Variants in PIGL observed in about 807,000 individuals in gnomAD.
PIGL encodes the protein N-acetylglucosaminyl-phosphatidylinositol de-N-acetylase.
PIGL carries 22 observed loss-of-function variants against 31.1 expected under a neutral mutation model. The observed-to-expected ratio is 0.71, with a 90% CI of 0.51 to 1.01. PIGL has a LOEUF of 1.01. Among genes scored for constraint, PIGL ranks in the 50% least tolerant of loss-of-function variants. The pLI is 0.00. For synonymous variants in PIGL, 131 were observed against 117.4 expected, an observed-to-expected ratio of 1.12 and a Z score of -0.75; for missense variants, 302 against 315.9, an observed-to-expected ratio of 0.96 and a Z score of 0.33.
chr17:16,301,145 A>T (rs1047651439), intron 3 of PIGL, among the ~76,000 whole-genome samples: 15 of 151,420 alleles, frequency 9.9e-5, no homozygotes, highest in Non-Finnish European at 1.8e-4. Flanking sequence ...TTTTTTTTTT[A>T]ATTTTTTTTT....
rs149271460 is a variant in PIGL, at chr17:16,264,153, C to T, written c.335+30083C>T. On this transcript the variant is annotated intron_variant, in intron 2 of 6. Transcript: ENST00000225609. ...TCAGCCTCCCAAGTAGCTGGGATTA[C>T]AGGTGCCTGCTATCACACCCAGCTA... Among the ~76,000 whole-genome samples the T allele has an allele frequency of 2.8e-3, 426 of 151,710 alleles. 2 individuals carry two copies. The highest frequency in any genetic ancestry group is 4.9e-3 in the Non-Finnish European group (333 of 67,956).
At chr17:16,242,818 A>G (rs1275228184) in intron 2 of PIGL, among the ~76,000 whole-genome samples, 1 of 151,894 alleles carries the variant, frequency 6.6e-6, no homozygotes, top group Non-Finnish European at 1.5e-5. Context: ...GGGTTTCACC[A>G]TGTTGGTCAG....
intron 2 of PIGL, among the ~76,000 whole-genome samples, chr17:16,292,393 CT>C (rs199806018): frequency 3.0e-3 from 363 of 121,082 alleles, no homozygotes; most frequent in South Asian, 0.018. Context: ...AAATCTTTCT[CT>C]TTAAAAAAAA....
In PIGL at chr17:16,311,223, T is replaced by A. The variant is rs186673611; in HGVS notation, c.427-2324T>A. 4.6e-5 allele frequency among the ~76,000 whole-genome samples: 7 copies of A among 151,956 alleles called. No individual in the cohort carries two copies. In the East Asian group the frequency reaches 1.4e-3, roughly 29 times the overall value. On this transcript the variant is annotated intron_variant, in intron 3 of 6. Coordinates refer to ENST00000225609, the MANE Select transcript of PIGL (RefSeq NM_004278.4). The stretch of plus-strand genomic sequence containing the variant: ...ATTCTATCCTTTCTTCAGTCCTTGT[T>A]GTCGTTTTTATATTTCTTTTATTAT...
intron 3 of PIGL, among the ~76,000 whole-genome samples, chr17:16,304,206 T>G (rs1490760946): frequency 6.6e-6 from 1 of 152,184 alleles, no homozygotes; most frequent in African/African-American, 2.4e-5. Flanking sequence ...CCCAGAAGTT[T>G]CAACTGCACA....
chr17:16,243,733 T>TA (rs1360041930), intron 2 of PIGL, among the ~76,000 whole-genome samples: 1 of 152,244 alleles, frequency 6.6e-6, no homozygotes, highest in East Asian at 1.9e-4. Context: ...CCCACCCTCT[T>TA]ACTCTGTGAG....
At chr17:16,233,863 A>G in intron 1 of PIGL, 108 bp from the exon 2 acceptor site, 1 of 609,294 alleles carries the variant, frequency 1.6e-6, no homozygotes, top group Non-Finnish European at 2.9e-6. Context: ...ACACATTTTC[A>G]GGCAGCTTAA....
At chr17:16,218,342 A>G (rs1379913836) in intron 1 of PIGL, 3 of 152,158 alleles carry the variant, frequency 2.0e-5, no homozygotes, top group African/African-American at 4.8e-5. Flanking sequence ...TTTATTTACC[A>G]AATACTTATT....
chr17:16,248,583 G>T (rs953422997), intron 2 of PIGL, among the ~76,000 whole-genome samples: 6 of 152,094 alleles, frequency 3.9e-5, no homozygotes, highest in African/African-American at 1.4e-4. Flanking sequence ...GAAGATGGAG[G>T]TTTTCTCTCC....
At chr17:16,302,420 T>C (rs2093008699) in intron 3 of PIGL, among the ~76,000 whole-genome samples, 1 of 152,056 alleles carries the variant, frequency 6.6e-6, no homozygotes, top group Non-Finnish European at 1.5e-5. Context: ...ACAGCCTCGA[T>C]ATGTAGACAG....
chr17:16,321,776 T>G (rs2142879213), intron 6 of PIGL, among the ~76,000 whole-genome samples: 1 of 152,066 alleles, frequency 6.6e-6, no homozygotes, highest in East Asian at 1.9e-4. Flanking sequence ...TTCTTTCTTT[T>G]TACTGTTATT....
At chr17:16,270,221 G>C (rs186212852) in intron 2 of PIGL, among the ~76,000 whole-genome samples, 2 of 151,502 alleles carry the variant, frequency 1.3e-5, no homozygotes, top group Non-Finnish European at 2.9e-5. Context: ...CCCAGGAGGC[G>C]GAGGTTGCAG....
chr17:16,232,880 G>T (rs1295472420), intron 1 of PIGL, among the ~76,000 whole-genome samples: 1 of 152,138 alleles, frequency 6.6e-6, no homozygotes, highest in African/African-American at 2.4e-5. Context: ...AGCACTTTGG[G>T]AGGCTGAGGC....
intron 2 of PIGL, among the ~76,000 whole-genome samples, chr17:16,274,718 C>T (rs986720746): frequency 5.5e-5 from 8 of 144,570 alleles, no homozygotes; most frequent in Non-Finnish European, 1.0e-4. Flanking sequence ...AGCAAGACTA[C>T]GTCTCAAAAA....
At chr17:16,227,917 C>T (rs1174502993) in intron 1 of PIGL, among the ~76,000 whole-genome samples, 3 of 151,842 alleles carry the variant, frequency 2.0e-5, no homozygotes, top group Non-Finnish European at 2.9e-5. Flanking sequence ...TTAAAGACAA[C>T]TTCTGTTTTA....
rs115842641 is a variant in PIGL at position 16,281,338 on chromosome 17, G to C, written c.336-18550G>C. Among the ~76,000 whole-genome samples, 648 of 152,292 alleles carry C rather than the reference G, an allele frequency of 4.3e-3. 7 individuals are homozygous for C. The highest frequency in any genetic ancestry group is 0.015 in the African/African-American group (605 of 41,574). ...TCTAGGAATGTTCTCCCTTTTCTAA[G>C]AAAAGTCCAAGCATTTTTTACCTGC... On this transcript the variant is annotated intron_variant, in intron 2 of 6. Transcript: ENST00000225609.
chr17:16,299,874 C>A lies in PIGL; in HGVS notation c.336-14C>A. 1.3e-6 allele frequency: 2 copies of A among 1,599,164 alleles called. No individual in the cohort carries two copies. Among genetic ancestry groups the A allele is most frequent in the Non-Finnish European group, 1.7e-6 (2 of 1,166,424 alleles). The stretch of plus-strand genomic sequence containing the variant: ...GATTAGAAAAGGTGTTCAAGTTGTG[C>A]TTCTCTCTTGTAGGGATTTCCCAGA... On this transcript the variant is annotated splice_polypyrimidine_tract_variant and intron_variant, in intron 2 of 6. Coordinates refer to ENST00000225609, the MANE Select transcript of PIGL (RefSeq NM_004278.4).
At chr17:16,301,956 C>G (rs1315481647) in intron 3 of PIGL, among the ~76,000 whole-genome samples, 2 of 152,072 alleles carry the variant, frequency 1.3e-5, no homozygotes, top group Non-Finnish European at 2.9e-5. Flanking sequence ...CCTCATTGGC[C>G]TCCCAAAGCA....
chr17:16,295,093 C>T (rs1437921845), intron 2 of PIGL, among the ~76,000 whole-genome samples: 1 of 152,130 alleles, frequency 6.6e-6, no homozygotes, highest in East Asian at 1.9e-4. Flanking sequence ...AACATCCGTC[C>T]ATCGGGGGAC....
Sources: allele counts gnomAD v4.1 joint callset (sites outside exome capture counted in the v4.1 genomes callset), GRCh38; gene constraint gnomAD v4.1.1; transcripts MANE v1.5; gene names NCBI Gene and HGNC (gene_info 2026-07-23, HGNC 2026-07-21).